Variants in FHL2 observed in about 807,000 individuals in gnomAD.
The protein encoded by FHL2 is four and a half LIM domains 2, also known as four and a half LIM domains protein 2.
In FHL2, 20 loss-of-function variants were observed where a neutral mutation model predicts 32.7. The observed-to-expected ratio is 0.61, with a 90% CI of 0.43 to 0.89. The LOEUF is 0.89. Among genes scored for constraint, FHL2 ranks in the 40% least tolerant of loss-of-function variants. The pLI is 0.00. For synonymous variants in FHL2, 123 were observed against 128.1 expected (o/e 0.96, Z 0.27); for missense variants, 311 against 358.6 (o/e 0.87, Z 1.07).
intron 1 of FHL2, among the ~76,000 whole-genome samples, chr2:105,434,815 C>T (rs1240057497): frequency 1.3e-5 from 2 of 151,574 alleles, no homozygotes; most frequent in Non-Finnish European, 2.9e-5. Context: ...GATCTCTTGC[C>T]CAGGCTGTTT....
chr2:105,390,159 A>G (rs1025171945), intron 2 of FHL2: 1 of 157,198 alleles, frequency 6.4e-6, no homozygotes, highest in Non-Finnish European at 1.4e-5. Context: ...GTGAACCAAG[A>G]GGTAGAGCTT....
chr2:105,370,806 T>C (rs1456051883), intron 4 of FHL2, among the ~76,000 whole-genome samples: 1 of 152,190 alleles, frequency 6.6e-6, no homozygotes, highest in East Asian at 1.9e-4. Flanking sequence ...CCAGTCCGTT[T>C]CTTCTGGCAG....
chr2:105,382,926 C>T (rs974481035), intron 3 of FHL2, among the ~76,000 whole-genome samples: 2 of 152,190 alleles, frequency 1.3e-5, no homozygotes, highest in Admixed American at 6.5e-5. Flanking sequence ...TGCTCTGTCA[C>T]CCAGGCTGGA....
intron 1 of FHL2, among the ~76,000 whole-genome samples, chr2:105,437,405 C>T (rs1277888220): frequency 2.0e-5 from 3 of 151,902 alleles, no homozygotes; most frequent in Non-Finnish European, 4.4e-5. Flanking sequence ...TCACATGTAC[C>T]CCATAAATAT....
At chr2:105,376,073 G>A (rs544475891) in intron 3 of FHL2, 4 of 152,248 alleles carry the variant, frequency 2.6e-5, no homozygotes, top group Non-Finnish European at 5.9e-5. Context: ...CACACGCCCC[G>A]GCTTCAAAAA....
At chr2:105,382,395 A>G (rs4401224) in intron 3 of FHL2, among the ~76,000 whole-genome samples, 109,795 of 152,118 alleles carry the variant, frequency 0.72, 39,987 homozygotes, top group Admixed American at 0.8. Context: ...AGGTGGCATC[A>G]CATGCTAGGT....
chr2:105,409,941 T>C (rs999573521), intron 1 of FHL2, among the ~76,000 whole-genome samples: 1 of 152,188 alleles, frequency 6.6e-6, no homozygotes, highest in African/African-American at 2.4e-5. Flanking sequence ...CCAAGTACGC[T>C]GGAATGAAGG....
chr2:105,422,074 A>G (rs1218444869), intron 1 of FHL2, among the ~76,000 whole-genome samples: 1 of 152,172 alleles, frequency 6.6e-6, no homozygotes, highest in Non-Finnish European at 1.5e-5. Flanking sequence ...GTCCTTCCCC[A>G]CATACATGCA....
At chr2:105,402,373 A>G (rs1209960106), upstream of FHL2, among the ~76,000 whole-genome samples, 1 of 151,948 alleles carries the variant, frequency 6.6e-6, no homozygotes, top group Non-Finnish European at 1.5e-5. Flanking sequence ...CAGCCTCCTG[A>G]GTAGCTGGGA....
chr2:105,419,177 G>C (rs1656604857), intron 1 of FHL2, among the ~76,000 whole-genome samples: 1 of 152,206 alleles, frequency 6.6e-6, no homozygotes, highest in Admixed American at 6.5e-5. Flanking sequence ...TGTCACACCA[G>C]AATATGCCAC....
chr2:105,418,085 A>G (rs1274914006), intron 1 of FHL2, among the ~76,000 whole-genome samples: 1 of 152,210 alleles, frequency 6.6e-6, no homozygotes, highest in Non-Finnish European at 1.5e-5. Context: ...TGGGGAAGTC[A>G]TTATATTTTG....
At chr2:105,396,200 C>T (rs1214087575) in intron 2 of FHL2, among the ~76,000 whole-genome samples, 2 of 152,102 alleles carry the variant, frequency 1.3e-5, no homozygotes, top group African/African-American at 4.8e-5. Context: ...CACACAATTA[C>T]GAAGGTGAAA....
intron 1 of FHL2, among the ~76,000 whole-genome samples, chr2:105,407,544 A>G (rs911008822): frequency 2.0e-5 from 3 of 152,106 alleles, no homozygotes; most frequent in Admixed American, 2.0e-4. Context: ...ACCGAGATCC[A>G]GTTGGCAAAT....
At position 105,430,574 on chromosome 2, in the gene FHL2, A is replaced by G. The variant is rs146127733; in HGVS notation, c.-25+7825T>C. ...TCCAAGCTACTCTGGAGGCTAAGCC[A>G]TGAGAATCGCTTGACCCTGGGAGGT... On this transcript the variant is annotated intron_variant, in intron 1 of 5. Transcript: ENST00000393352. 9.1e-3 allele frequency among the ~76,000 whole-genome samples: 1,388 copies of G among 152,332 alleles called. 8 individuals are homozygous for G. Among genetic ancestry groups the G allele is most frequent in the Non-Finnish European group, 0.013 (856 of 68,028 alleles).
intron 1 of FHL2, among the ~76,000 whole-genome samples, chr2:105,422,646 CA>C (rs10715306): frequency 0.59 from 66,890 of 113,996 alleles, 16,710 homozygotes; most frequent in East Asian, 0.78. Context: ...TCATCTCTGG[CA>C]AAAAAAAAAA....
intron 3 of FHL2, among the ~76,000 whole-genome samples, chr2:105,380,373 C>T (rs1371598700): frequency 6.6e-6 from 1 of 152,138 alleles, no homozygotes; most frequent in Non-Finnish European, 1.5e-5. Context: ...TTTCTTCTAT[C>T]TATCTGTTCT....
chr2:105,432,857 G>C (rs554121279), intron 1 of FHL2, among the ~76,000 whole-genome samples: 1 of 152,330 alleles, frequency 6.6e-6, no homozygotes, highest in East Asian at 1.9e-4. Context: ...CTTGTGCTAC[G>C]TATTGAAAGG....
At chr2:105,378,969 G>C (rs1386515307) in intron 3 of FHL2, 1 of 152,182 alleles carries the variant, frequency 6.6e-6, no homozygotes, top group Non-Finnish European at 1.5e-5. Flanking sequence ...AGCAGGATGG[G>C]AGAGCATGAG....
intron 5 of FHL2, among the ~76,000 whole-genome samples, chr2:105,365,380 T>C (rs1030036093): frequency 1.3e-5 from 2 of 152,176 alleles, no homozygotes; most frequent in Non-Finnish European, 2.9e-5. Flanking sequence ...ATGAATGTTT[T>C]TGTGTATTTA....
Sources: allele counts gnomAD v4.1 joint callset (sites outside exome capture counted in the v4.1 genomes callset), GRCh38; gene constraint gnomAD v4.1.1; transcripts MANE v1.5; gene names NCBI Gene and HGNC (gene_info 2026-07-23, HGNC 2026-07-21).